NRG3: variants seen among roughly 807,000 people sequenced by gnomAD.
NRG3 encodes the protein pro-neuregulin-3, membrane-bound isoform.
Under a neutral mutation model 66.9 loss-of-function variants are expected in NRG3, and 31 were observed. That is an observed-to-expected ratio of 0.46 (90% CI 0.35 to 0.63). The LOEUF (loss-of-function observed/expected upper bound fraction) is 0.63. Ranked by LOEUF, NRG3 falls within the 20% of genes least tolerant of loss-of-function variation. The pLI is 0.00. For missense variants in NRG3, 910 were observed against 878.9 expected, an observed-to-expected ratio of 1.04 and a Z score of -0.45; for synonymous variants, 393 against 359.4, an observed-to-expected ratio of 1.09 and a Z score of -1.06.
At chr10:82,193,804 A>T (rs530253490) in intron 1 of NRG3, among the ~76,000 whole-genome samples, 1 of 152,190 alleles carries the variant, frequency 6.6e-6, no homozygotes, top group Non-Finnish European at 1.5e-5. Context: ...CATCCAGGTA[A>T]ACTATTGGAT....
At chr10:82,458,009 C>T (rs981036545) in intron 2 of NRG3, among the ~76,000 whole-genome samples, 9 of 152,136 alleles carry the variant, frequency 5.9e-5, no homozygotes, top group African/African-American at 1.7e-4. Context: ...AGGCACAGAC[C>T]GTGGTGTGTG....
In NRG3 at chr10:82,765,492, C is replaced by G. The variant is rs369637620; in HGVS notation, c.1027+26842C>G. 3.7e-4 allele frequency among the ~76,000 whole-genome samples: 56 copies of G among 152,190 alleles called. 1 individual carries two copies. Among genetic ancestry groups the G allele is most frequent in the African/African-American group, 1.2e-3 (51 of 41,566 alleles). On this transcript the variant is annotated intron_variant, in intron 3 of 8. Coordinates refer to ENST00000372141, the MANE Select transcript of NRG3 (RefSeq NM_001010848.4). ...CAACCTCACTGTAGCGAAGAAAATG[C>G]AAACTAAAGGATGCTAATTACTCAG...
At chr10:82,592,786 C>T (rs555631496) in intron 2 of NRG3, among the ~76,000 whole-genome samples, 1 of 152,218 alleles carries the variant, frequency 6.6e-6, no homozygotes, top group African/African-American at 2.4e-5. Context: ...ACTAAAGACC[C>T]CTTGCCTGGA....
intron 1 of NRG3, among the ~76,000 whole-genome samples, chr10:82,082,505 C>T (rs1469580523): frequency 6.6e-6 from 1 of 152,008 alleles, no homozygotes; most frequent in Non-Finnish European, 1.5e-5. Context: ...ATTTGCGGTT[C>T]ATAACAGGGT....
chr10:82,961,411 T>C (rs1850627337), intron 6 of NRG3, among the ~76,000 whole-genome samples: 1 of 152,228 alleles, frequency 6.6e-6, no homozygotes, highest in Non-Finnish European at 1.5e-5. Flanking sequence ...ATTGTCTCAT[T>C]TAGTTCTAAC....
At chr10:82,283,562 A>G (rs1362005545) in intron 1 of NRG3, among the ~76,000 whole-genome samples, 1 of 152,204 alleles carries the variant, frequency 6.6e-6, no homozygotes, top group Non-Finnish European at 1.5e-5. Context: ...TTCCTATAGT[A>G]TCCAACATTC....
At chr10:82,534,412 A>C (rs1847618230) in intron 2 of NRG3, among the ~76,000 whole-genome samples, 1 of 151,998 alleles carries the variant, frequency 6.6e-6, no homozygotes. Context: ...CTACAGGCAC[A>C]TGCCACTACA....
chr10:82,041,963 C>T (rs1174164473), intron 1 of NRG3, among the ~76,000 whole-genome samples: 2 of 151,968 alleles, frequency 1.3e-5, no homozygotes, highest in Admixed American at 6.6e-5. Flanking sequence ...CCCAGATGGG[C>T]GAAATGACTT....
At chr10:82,929,139 A>G (rs1235057843) in intron 4 of NRG3, among the ~76,000 whole-genome samples, 2 of 152,220 alleles carry the variant, frequency 1.3e-5, no homozygotes, top group Non-Finnish European at 2.9e-5. Flanking sequence ...CAAAGCACAC[A>G]TATCTGCTTA....
intron 1 of NRG3, among the ~76,000 whole-genome samples, chr10:82,048,350 T>G (rs1198926192): frequency 6.6e-6 from 1 of 151,888 alleles, no homozygotes; most frequent in Non-Finnish European, 1.5e-5. Context: ...TAGTTGGAAG[T>G]AAAGCTCTCC....
intron 1 of NRG3, among the ~76,000 whole-genome samples, chr10:81,911,368 A>G (rs1845128046): frequency 6.6e-6 from 1 of 152,146 alleles, no homozygotes; most frequent in Non-Finnish European, 1.5e-5. Flanking sequence ...GAGATCACCA[A>G]GAACCAGCCC....
intron 1 of NRG3, among the ~76,000 whole-genome samples, chr10:81,883,271 A>G (rs1842340382): frequency 6.6e-6 from 1 of 152,166 alleles, no homozygotes; most frequent in African/African-American, 2.4e-5. Flanking sequence ...TAATATTAGC[A>G]TTTTGGAAAT....
At chr10:82,507,728 A>C (rs1389422468) in intron 2 of NRG3, among the ~76,000 whole-genome samples, 3 of 152,206 alleles carry the variant, frequency 2.0e-5, no homozygotes, top group Admixed American at 6.5e-5. Flanking sequence ...TCTGAAAGCT[A>C]CTTGTGTATT....
intron 1 of NRG3, among the ~76,000 whole-genome samples, chr10:82,056,611 A>T (rs1589942666): frequency 6.6e-6 from 1 of 152,332 alleles, no homozygotes; most frequent in East Asian, 1.9e-4. Flanking sequence ...CTACAGTCTT[A>T]CAGCTATGAC....
chr10:82,656,852 T>G (rs886203850), intron 2 of NRG3, among the ~76,000 whole-genome samples: 17 of 152,250 alleles, frequency 1.1e-4, no homozygotes, highest in Admixed American at 5.9e-4. Context: ...AAAGATCTCT[T>G]TAAAACTTAA....
chr10:82,395,865 T>C (rs933095630), intron 2 of NRG3, among the ~76,000 whole-genome samples: 1 of 152,196 alleles, frequency 6.6e-6, no homozygotes. Context: ...CCTTTAAACA[T>C]TTTTGTCAAA....
intron 2 of NRG3, among the ~76,000 whole-genome samples, chr10:82,529,994 G>A (rs1001338680): frequency 1.3e-5 from 2 of 152,110 alleles, no homozygotes; most frequent in African/African-American, 4.8e-5. Context: ...TTATCAGATG[G>A]TTTAAAGAGA....
At chr10:82,002,517 G>C (rs1433299786) in intron 1 of NRG3, among the ~76,000 whole-genome samples, 1 of 152,154 alleles carries the variant, frequency 6.6e-6, no homozygotes, top group Non-Finnish European at 1.5e-5. Context: ...TCTAGCAACT[G>C]TGTGCTCTTT....
chr10:82,596,041 G>T (rs756496719), intron 2 of NRG3, among the ~76,000 whole-genome samples: 1 of 152,156 alleles, frequency 6.6e-6, no homozygotes, highest in African/African-American at 2.4e-5. Flanking sequence ...GTGAATTGAT[G>T]AATTAATGAG....
Sources: gnomAD v4.1 joint callset for allele counts (sites outside exome capture counted in the v4.1 genomes callset) on GRCh38, gnomAD v4.1.1 for gene constraint, MANE v1.5 for transcripts, NCBI Gene and HGNC (gene_info 2026-07-23, HGNC 2026-07-21) for gene names.